LRRC4C: variants seen among roughly 807,000 people sequenced by gnomAD.
LRRC4C encodes the protein leucine rich repeat containing 4C.
LRRC4C carries 5 observed loss-of-function variants against 33.6 expected under a neutral mutation model. The ratio of observed to expected loss-of-function variants is 0.15; its 90% CI spans 0.08 to 0.31. The LOEUF is 0.31. LRRC4C is among the 10% of genes least tolerant of loss of function. The pLI is 1.00. For synonymous variants in LRRC4C, 329 were observed against 302.0 expected (o/e 1.09, Z -0.93); for missense variants, 560 against 796.7 (o/e 0.70, Z 3.58).
intron 4 of LRRC4C, among the ~76,000 whole-genome samples, chr11:40,259,255 GTTGT>G (rs1867478670): frequency 1.3e-5 from 2 of 151,822 alleles, no homozygotes; most frequent in African/African-American, 2.4e-5. Context: ...TTTTGATGGG[GTTGT>G]TTGTTTTTTT....
At chr11:40,998,323 G>A (rs1378008900) in intron 1 of LRRC4C, among the ~76,000 whole-genome samples, 1 of 151,610 alleles carries the variant, frequency 6.6e-6, no homozygotes, top group Non-Finnish European at 1.5e-5. Flanking sequence ...TGTGACATTG[G>A]TGAAATATCA....
At chr11:40,411,954 A>C (rs1286125015) in intron 3 of LRRC4C, among the ~76,000 whole-genome samples, 1 of 152,052 alleles carries the variant, frequency 6.6e-6, no homozygotes, top group Non-Finnish European at 1.5e-5. Context: ...TGTAGGTGAG[A>C]AAACAGACTT....
At chr11:40,632,956 C>T (rs1963592969) in intron 3 of LRRC4C, among the ~76,000 whole-genome samples, 2 of 152,242 alleles carry the variant, frequency 1.3e-5, no homozygotes, top group Admixed American at 1.3e-4. Flanking sequence ...TTAATCCAAA[C>T]TCAGCTCCTT....
At chr11:40,639,399 G>A (rs536235445) in intron 3 of LRRC4C, among the ~76,000 whole-genome samples, 1 of 152,160 alleles carries the variant, frequency 6.6e-6, no homozygotes, top group East Asian at 1.9e-4. Flanking sequence ...TGGCTATAGG[G>A]GCAGTAGTCA....
At chr11:40,553,626 T>C (rs1957215656) in intron 3 of LRRC4C, among the ~76,000 whole-genome samples, 1 of 152,206 alleles carries the variant, frequency 6.6e-6, no homozygotes, top group African/African-American at 2.4e-5. Flanking sequence ...TTCTGACTAG[T>C]GTGAGATGGT....
intron 1 of LRRC4C, 102 bp downstream of exon 1, chr11:41,459,329 A>C (rs1956266031): frequency 6.6e-6 from 1 of 152,080 alleles, no homozygotes; most frequent in Admixed American, 6.6e-5. Flanking sequence ...CCAATCTCTA[A>C]AAATGAGCAT....
intron 1 of LRRC4C, among the ~76,000 whole-genome samples, chr11:41,277,236 A>G (rs1053763986): frequency 2.6e-5 from 4 of 152,194 alleles, no homozygotes; most frequent in African/African-American, 9.7e-5. Context: ...ATGGCAAATA[A>G]CAAAGCATGT....
At chr11:40,157,340 A>G (rs1050410636) in intron 5 of LRRC4C, among the ~76,000 whole-genome samples, 1 of 152,222 alleles carries the variant, frequency 6.6e-6, no homozygotes, top group African/African-American at 2.4e-5. Flanking sequence ...CCTTCTAGAC[A>G]TTGGCTTAGG....
intron 5 of LRRC4C, among the ~76,000 whole-genome samples, chr11:40,216,674 C>T (rs1338302793): frequency 6.6e-6 from 1 of 152,100 alleles, no homozygotes; most frequent in African/African-American, 2.4e-5. Context: ...GAAGAACAAG[C>T]ATAAAAGCGT....
At chr11:40,727,859 G>T (rs1179059363) in intron 2 of LRRC4C, among the ~76,000 whole-genome samples, 2 of 151,974 alleles carry the variant, frequency 1.3e-5, no homozygotes, top group Admixed American at 1.3e-4. Flanking sequence ...GACCAGCCTG[G>T]CCAACATGGC....
At chr11:40,806,132 T>C (rs1951237054) in intron 2 of LRRC4C, among the ~76,000 whole-genome samples, 1 of 152,230 alleles carries the variant, frequency 6.6e-6, no homozygotes, top group African/African-American at 2.4e-5. Context: ...GTTGTCATTA[T>C]CTAATGCTGT....
intron 1 of LRRC4C, among the ~76,000 whole-genome samples, chr11:40,940,715 A>T (rs1958102917): frequency 6.6e-6 from 1 of 152,148 alleles, no homozygotes; most frequent in South Asian, 2.1e-4. Flanking sequence ...TGCTTTTCAT[A>T]TTAAACAGAC....
chr11:41,015,114 C>T (rs867322975), intron 1 of LRRC4C, among the ~76,000 whole-genome samples: 27 of 152,236 alleles, frequency 1.8e-4, no homozygotes, highest in South Asian at 4.1e-4. Context: ...CATATCTGAA[C>T]ATTCTCTAGT....
intron 2 of LRRC4C, among the ~76,000 whole-genome samples, chr11:40,739,479 A>G (rs1013111937): frequency 3.1e-5 from 4 of 130,330 alleles, no homozygotes; most frequent in African/African-American, 1.1e-4. Context: ...TCAACTATAT[A>G]CAATTAATAT....
chr11:40,527,285 T>C (rs1452419451), intron 3 of LRRC4C, among the ~76,000 whole-genome samples: 1 of 152,084 alleles, frequency 6.6e-6, no homozygotes, highest in Non-Finnish European at 1.5e-5. Context: ...TACGTGCTTA[T>C]TAAAAATTAA....
At chr11:40,589,776 T>C (rs1958945979) in intron 3 of LRRC4C, among the ~76,000 whole-genome samples, 1 of 150,620 alleles carries the variant, frequency 6.6e-6, no homozygotes, top group Admixed American at 6.6e-5. Flanking sequence ...GGTTGAAAAT[T>C]CTTTTCTTTA....
chr11:40,924,259 T>G (rs1200218074), intron 2 of LRRC4C, among the ~76,000 whole-genome samples: 1 of 151,892 alleles, frequency 6.6e-6, no homozygotes, highest in Non-Finnish European at 1.5e-5. Context: ...GAATAAGAGT[T>G]CAGCTGCCTA....
At chr11:40,195,217 T>C (rs1186007008) in intron 5 of LRRC4C, among the ~76,000 whole-genome samples, 68 of 152,114 alleles carry the variant, frequency 4.5e-4, no homozygotes, top group Non-Finnish European at 1.5e-5. Flanking sequence ...GAAGATTCCT[T>C]TACATCATAC....
chr11:40,517,237 C>T (rs372167388), intron 3 of LRRC4C, among the ~76,000 whole-genome samples: 2 of 152,060 alleles, frequency 1.3e-5, no homozygotes, highest in African/African-American at 4.8e-5. Flanking sequence ...TAACATAATA[C>T]TATAATTCCC....
Sources: allele counts gnomAD v4.1 joint callset (sites outside exome capture counted in the v4.1 genomes callset), GRCh38; gene constraint gnomAD v4.1.1; transcripts MANE v1.5; gene names NCBI Gene and HGNC (gene_info 2026-07-23, HGNC 2026-07-21).